Variants in GIGYF2 observed in about 807,000 individuals in gnomAD.
GIGYF2 encodes the protein GRB10-interacting GYF protein 2.
Under a neutral mutation model 208.1 loss-of-function variants are expected in GIGYF2, and 25 were observed. That is an observed-to-expected ratio of 0.12 (90% CI 0.09 to 0.17). The LOEUF (loss-of-function observed/expected upper bound fraction) is 0.17. Among genes scored for constraint, GIGYF2 ranks in the 10% least tolerant of loss-of-function variants. The pLI is 1.00. For synonymous variants in GIGYF2, 534 were observed against 543.8 expected (o/e 0.98, Z 0.25); for missense variants, 1,302 against 1,579.4 (o/e 0.82, Z 2.98).
At chr2:232,788,513 C>T (rs1390451830) in intron 9 of GIGYF2, 1 of 466,726 alleles carries the variant, frequency 2.1e-6, no homozygotes, top group Non-Finnish European at 4.5e-6. Flanking sequence ...ACTATGTTCC[C>T]AACAAGCATT....
At position 232,771,356 on chromosome 2, in the gene GIGYF2, T is replaced by C. The variant is rs1386527753; in HGVS notation, c.532+9920T>C. ...GGAGCAATAACTTTGCAATTACTGC[T>C]GTCCATCTCAGGCTGTATTTCTCTA... On this transcript the variant is annotated intron_variant, in intron 8 of 28. Coordinates refer to ENST00000373563, the MANE Select transcript of GIGYF2 (RefSeq NM_001103146.3). 1.5e-5 allele frequency: 24 copies of C among 1,609,824 alleles called. No homozygotes were observed. The highest frequency in any genetic ancestry group is 2.0e-5 in the Non-Finnish European group (24 of 1,176,706).
At chr2:232,761,829 C>T (rs1428629400) in intron 8 of GIGYF2, among the ~76,000 whole-genome samples, 7 of 148,892 alleles carry the variant, frequency 4.7e-5, no homozygotes, top group African/African-American at 1.7e-4. Flanking sequence ...ATTCATTTGG[C>T]CTTTTTGCTG....
Position 232,816,961 on chromosome 2 carries a change from G to A in GIGYF2, c.2299G>A (p.Glu767Lys). ...GGAAGAACTCCGAAGACAACAGGAG[G>A]AAATTCTTCGGCGACAGCAGGAAGA... ...RQEELRRQQE[E>K]ILRRQQEEER... The change falls in exon 20 of 29, where the codon GAA becomes AAA. Residue 767 changes from glutamate to lysine, a missense_variant. Transcript: ENST00000373563. The A allele has an allele frequency of 6.2e-7, 1 of 1,612,788 alleles. No homozygotes were observed. The highest frequency in any genetic ancestry group is 2.2e-5 in the East Asian group (1 of 44,860).
In GIGYF2 at chr2:232,771,115, C is replaced by T. The variant is rs763341185; in HGVS notation, c.532+9679C>T. ...GGCATCATGATCTAGTTCCAGATCACCATTCATCTCAGCCAGAACATACCA... is the reference window on the plus strand; with the variant it reads ...GGCATCATGATCTAGTTCCAGATCATCATTCATCTCAGCCAGAACATACCA... On this transcript the variant is annotated intron_variant, in intron 8 of 28. Transcript: ENST00000373563. 2 of 1,614,070 alleles carry T rather than the reference C, an allele frequency of 1.2e-6. No homozygotes were observed. Among genetic ancestry groups the T allele is most frequent in the Admixed American group, 1.7e-5 (1 of 59,980 alleles).
intron 18 of GIGYF2, among the ~76,000 whole-genome samples, chr2:232,815,148 C>T (rs1039707469): frequency 2.6e-5 from 4 of 152,178 alleles, no homozygotes; most frequent in African/African-American, 9.7e-5. Flanking sequence ...ACAAAATTAA[C>T]CATTTTAAAG....
At chr2:232,752,783 G>T (rs1356177490) in intron 5 of GIGYF2, among the ~76,000 whole-genome samples, 1 of 152,000 alleles carries the variant, frequency 6.6e-6, no homozygotes, top group Admixed American at 6.6e-5. Context: ...CTCGTGATCT[G>T]CCTGCCTCGG....
chr2:232,805,806 A>G (rs1225703015), intron 14 of GIGYF2, among the ~76,000 whole-genome samples: 1 of 152,186 alleles, frequency 6.6e-6, no homozygotes, highest in East Asian at 1.9e-4. Flanking sequence ...GGAATAGGGA[A>G]AAGTACATCT....
Position 232,791,029 on chromosome 2 carries a change from C to T in GIGYF2, c.952C>T (p.Pro318Ser). ...SLKKVQKEPI[P>S]EEQEMDFRPV... is the part of the protein sequence containing the mutation. ...ACAGAAAGTACAGAAAGAGCCTATT[C>T]CAGAAGAGCAGGAGATGGACTTCCG... Residue 318 changes from proline to serine, a missense_variant, in exon 11 of 29, where the codon CCA (proline) becomes TCA (serine). Physicochemically the swap from Pro to Ser is moderately conservative, Grantham distance 74. Around this residue, in one of 8 missense-constraint regions of GIGYF2, gnomAD observed 235 missense variants for 218.8 expected, o/e 1.07. Coordinates refer to ENST00000373563, the MANE Select transcript of GIGYF2 (RefSeq NM_001103146.3). 1 of 1,613,962 alleles carries T rather than the reference C, an allele frequency of 6.2e-7. No individual in the cohort carries two copies. The highest frequency in any genetic ancestry group is 8.5e-7 in the Non-Finnish European group (1 of 1,179,938).
chr2:232,794,360 G>A (rs369565011), intron 12 of GIGYF2, among the ~76,000 whole-genome samples: 1 of 152,142 alleles, frequency 6.6e-6, no homozygotes, highest in South Asian at 2.1e-4. Flanking sequence ...TTTCAGTAAA[G>A]GTTTTGATGA....
intron 3 of GIGYF2, chr2:232,736,320 A>G (rs1697728520): frequency 2.8e-6 from 1 of 355,786 alleles, no homozygotes; most frequent in African/African-American, 2.2e-5. Context: ...TAAAAAAATT[A>G]GAAATAACTA....
At position 232,856,954 on chromosome 2, in the gene GIGYF2, C is replaced by A; in HGVS notation, c.*94C>A. 2 of 855,872 alleles carry A rather than the reference C, an allele frequency of 2.3e-6. No homozygotes were observed. The highest frequency in any genetic ancestry group is 4.1e-6 in the Non-Finnish European group (2 of 488,832). 53.0% of individuals were successfully genotyped at this position (855,872 alleles called of 1,614,324 possible). ...CACTTACTCACCATTTACTCTTTAT[C>A]ACTCTGCAACAAATCACAGAACCGA... On this transcript the variant is annotated 3_prime_UTR_variant, in exon 29 of 29. Coordinates refer to ENST00000373563, the MANE Select transcript of GIGYF2 (RefSeq NM_001103146.3).
At chr2:232,753,807 T>C (rs1176009277) in intron 5 of GIGYF2, among the ~76,000 whole-genome samples, 2 of 152,170 alleles carry the variant, frequency 1.3e-5, no homozygotes, top group African/African-American at 4.8e-5. Flanking sequence ...GTATGCTCCA[T>C]GTCTCTATAT....
At chr2:232,811,493 A>G (rs752020469) in intron 17 of GIGYF2, 142 bp downstream of exon 17, 31 of 660,380 alleles carry the variant, frequency 4.7e-5, no homozygotes, top group Non-Finnish European at 7.5e-5. Flanking sequence ...GTAAAAAAGT[A>G]TATTTTAAAA....
Position 232,809,818 on chromosome 2 carries a change from A to G in GIGYF2, c.1898+7A>G, listed in dbSNP as rs201417640. On this transcript the variant is annotated splice_region_variant and intron_variant, in intron 16 of 28. Transcript: ENST00000373563. ...ACCAGCAGTTTTTAATACAGTAAGA[A>G]GAGTAATGCAGTAGGATGTACTGCA... The G allele has an allele frequency of 1.9e-5, 26 of 1,404,748 alleles. No homozygotes were observed. In the African/African-American group the frequency reaches 3.1e-4, roughly 17 times the overall value. The allele number at this position is 1,404,748 out of a possible 1,614,324, so 87.0% of individuals were successfully genotyped here.
chr2:232,812,290 A>G (rs555400128), intron 17 of GIGYF2, 101 bp from the exon 18 acceptor site: 109 of 677,342 alleles, frequency 1.6e-4, no homozygotes, highest in Non-Finnish European at 2.6e-4. Context: ...TTTCTAGCCA[A>G]ATAACCTGGA....
intron 21 of GIGYF2, among the ~76,000 whole-genome samples, chr2:232,821,586 A>G (rs912135853): frequency 2.0e-5 from 3 of 152,084 alleles, no homozygotes; most frequent in Admixed American, 2.0e-4. Flanking sequence ...TTCTCAGTAC[A>G]TGTCCTTTGT....
At chr2:232,824,474 C>A (rs745445391) in intron 21 of GIGYF2, among the ~76,000 whole-genome samples, 9 of 152,188 alleles carry the variant, frequency 5.9e-5, no homozygotes, top group Non-Finnish European at 1.5e-5. Flanking sequence ...AGACCAGCCG[C>A]AACATTCCCT....
chr2:232,704,881 A>G (rs1231491829), intron 2 of GIGYF2, among the ~76,000 whole-genome samples: 1 of 22,254 alleles, frequency 4.5e-5, no homozygotes, highest in African/African-American at 1.6e-4. Context: ...TTTTTTTGAG[A>G]CAGAGTCTCG....
At position 232,706,585 on chromosome 2, in the gene GIGYF2, C is replaced by A. The variant is rs550852087; in HGVS notation, c.-44+3096C>A. Among the ~76,000 whole-genome samples the A allele has an allele frequency of 6.6e-5, 10 of 152,230 alleles. No homozygotes were observed. In the South Asian group the frequency reaches 1.2e-3, roughly 19 times the overall value. ...TTGAAGTCAGGAGTTTGAGACCAGC[C>A]TGACCAACACGGCGAAACCCTGTCT... On this transcript the variant is annotated intron_variant, in intron 2 of 28. Coordinates refer to ENST00000373563, the MANE Select transcript of GIGYF2 (RefSeq NM_001103146.3).
Sources: allele counts gnomAD v4.1 joint callset (sites outside exome capture counted in the v4.1 genomes callset), GRCh38; gene constraint gnomAD v4.1.1; regional missense constraint gnomAD v4.1.1; transcripts MANE v1.5; gene names NCBI Gene and HGNC (gene_info 2026-07-23, HGNC 2026-07-21).